KCNAB1: variants seen among roughly 807,000 people sequenced by gnomAD.
KCNAB1 encodes the protein potassium voltage-gated channel subfamily A regulatory beta subunit 1.
In KCNAB1, 35 loss-of-function variants were observed where a neutral mutation model predicts 64.6. That is an observed-to-expected ratio of 0.54 (90% CI 0.41 to 0.72). The LOEUF (loss-of-function observed/expected upper bound fraction) is 0.72, where lower values mean the gene tolerates loss of function less well. Ranked by LOEUF, KCNAB1 falls within the 30% of genes least tolerant of loss-of-function variation. The pLI, the probability that KCNAB1 is intolerant of heterozygous loss-of-function variation, is 0.00. For synonymous variants in KCNAB1, 177 were observed against 183.8 expected (o/e 0.96, Z 0.30); for missense variants, 401 against 512.9 (o/e 0.78, Z 2.11).
intron 1 of KCNAB1, among the ~76,000 whole-genome samples, chr3:156,209,486 C>A (rs1714883786): frequency 6.6e-6 from 1 of 152,146 alleles, no homozygotes; most frequent in Admixed American, 6.5e-5. Flanking sequence ...AAGCATAATG[C>A]TTTGAAGAAA....
At chr3:156,497,358 T>A (rs1236792413) in intron 8 of KCNAB1, among the ~76,000 whole-genome samples, 1 of 152,222 alleles carries the variant, frequency 6.6e-6, no homozygotes, top group Non-Finnish European at 1.5e-5. Flanking sequence ...TGTTATAGCA[T>A]GAAACTGGAT....
chr3:156,513,978 G>A (rs2679594), intron 8 of KCNAB1, among the ~76,000 whole-genome samples: 64,589 of 152,040 alleles, frequency 0.42, 14,286 homozygotes, highest in African/African-American at 0.54. Context: ...CTACAAAGTT[G>A]AAACAAATGC....
chr3:156,325,428 A>G (rs1186378742), intron 1 of KCNAB1, among the ~76,000 whole-genome samples: 1 of 152,164 alleles, frequency 6.6e-6, no homozygotes, highest in Admixed American at 6.6e-5. Context: ...TCCAAAGTAA[A>G]TGTGATTCGT....
intron 1 of KCNAB1, among the ~76,000 whole-genome samples, chr3:156,302,093 TTC>T (rs1310983102): frequency 2.0e-5 from 3 of 152,218 alleles, no homozygotes; most frequent in Non-Finnish European, 2.9e-5. Context: ...CTTTTTCGGC[TTC>T]TAGAGGTTAC....
intron 1 of KCNAB1, among the ~76,000 whole-genome samples, chr3:156,378,329 C>T (rs765219961): frequency 1.3e-5 from 2 of 152,066 alleles, no homozygotes; most frequent in African/African-American, 2.4e-5. Flanking sequence ...TTTGGTGGAG[C>T]TTCTCTGACC....
intron 8 of KCNAB1, among the ~76,000 whole-genome samples, chr3:156,493,107 TCCTTAGG>T (rs1715751275): frequency 6.6e-6 from 1 of 152,078 alleles, no homozygotes; most frequent in Non-Finnish European, 1.5e-5. Context: ...CTAGACACAG[TCCTTAGG>T]GTTTAGAAAC....
At chr3:156,181,383 TGA>T (rs1193690408) in intron 1 of KCNAB1, among the ~76,000 whole-genome samples, 3 of 152,216 alleles carry the variant, frequency 2.0e-5, no homozygotes, top group Non-Finnish European at 1.5e-5. Flanking sequence ...ATGGCATTTA[TGA>T]GAGTCCCGAG....
intron 1 of KCNAB1, among the ~76,000 whole-genome samples, chr3:156,144,340 A>G (rs1714914939): frequency 6.6e-6 from 1 of 152,196 alleles, no homozygotes; most frequent in Non-Finnish European, 1.5e-5. Context: ...CTGAAGGTCT[A>G]TTTCAGTGTA....
At chr3:156,350,633 A>T (rs1380899833) in intron 1 of KCNAB1, among the ~76,000 whole-genome samples, 1 of 152,138 alleles carries the variant, frequency 6.6e-6, no homozygotes, top group Non-Finnish European at 1.5e-5. Context: ...AGGTCAAGAG[A>T]GGAAAAATGG....
chr3:156,471,508 G>T (rs1221729565), intron 7 of KCNAB1, among the ~76,000 whole-genome samples: 1 of 152,194 alleles, frequency 6.6e-6, no homozygotes, highest in African/African-American at 2.4e-5. Context: ...TTCCACAGAC[G>T]CTGGGTTAGT....
intron 1 of KCNAB1, among the ~76,000 whole-genome samples, chr3:156,384,628 G>A (rs182733036): frequency 6.6e-6 from 1 of 152,312 alleles, no homozygotes; most frequent in Non-Finnish European, 1.5e-5. Context: ...CTAGAGGCAG[G>A]GATGGTTCAT....
rs973053726 is a variant in KCNAB1, at chr3:156,175,761, G to A, written c.275+54875G>A. On this transcript the variant is annotated intron_variant, in intron 1 of 13. Coordinates refer to ENST00000490337, the MANE Select transcript of KCNAB1 (RefSeq NM_172160.3). ...CCTCCTCTGTTTCTTGCCAGTAATCGTCATCTGAAGGGAGGGTGCTAGCCT... is the reference window on the plus strand; with the variant it reads ...CCTCCTCTGTTTCTTGCCAGTAATCATCATCTGAAGGGAGGGTGCTAGCCT... The A allele has an allele frequency of 2.1e-5, 12 of 564,556 alleles. 1 individual carries two copies. Among genetic ancestry groups the A allele is most frequent in the South Asian group, 1.9e-4 (12 of 61,664 alleles). 35.0% of individuals were successfully genotyped at this position (564,556 alleles called of 1,614,324 possible). A position where few individuals can be genotyped will look rare whatever the true frequency, so the allele number is the denominator to read the frequency against.
chr3:156,212,488 G>A (rs927339195), intron 1 of KCNAB1, among the ~76,000 whole-genome samples: 5 of 152,150 alleles, frequency 3.3e-5, no homozygotes, highest in African/African-American at 1.2e-4. Flanking sequence ...TTTAGAGATA[G>A]CTACAATGGA....
intron 1 of KCNAB1, among the ~76,000 whole-genome samples, chr3:156,390,729 C>T (rs999406350): frequency 4.6e-5 from 7 of 151,674 alleles, no homozygotes; most frequent in African/African-American, 1.5e-4. Flanking sequence ...ACTACAGGCG[C>T]CTGCTACCAT....
chr3:156,356,977 C>A (rs981389556), intron 1 of KCNAB1, among the ~76,000 whole-genome samples: 1 of 152,204 alleles, frequency 6.6e-6, no homozygotes, highest in Admixed American at 6.5e-5. Flanking sequence ...TCCCACTCAA[C>A]TGGCAGATGC....
chr3:156,317,009 G>A (rs1275001244), intron 1 of KCNAB1, among the ~76,000 whole-genome samples: 1 of 152,110 alleles, frequency 6.6e-6, no homozygotes, highest in Non-Finnish European at 1.5e-5. Flanking sequence ...ACTAGCACAG[G>A]GCCCAGAGCA....
At chr3:156,377,784 G>A (rs747590891) in intron 1 of KCNAB1, among the ~76,000 whole-genome samples, 4 of 151,982 alleles carry the variant, frequency 2.6e-5, no homozygotes, top group Non-Finnish European at 4.4e-5. Context: ...AGTTCATTAC[G>A]AAAAGAAAGG....
At chr3:156,119,160 G>A (rs1357380651), upstream of KCNAB1, among the ~76,000 whole-genome samples, 2 of 152,224 alleles carry the variant, frequency 1.3e-5, no homozygotes, top group Non-Finnish European at 2.9e-5. Flanking sequence ...TTAATTAACA[G>A]CCATAGGGAT....
rs146428854 is a variant in KCNAB1 at position 156,443,783 on chromosome 3, A to G, written c.320-9116A>G. Among the ~76,000 whole-genome samples the G allele has an allele frequency of 5.2e-3, 711 of 136,648 alleles. 7 individuals are homozygous for G. Among genetic ancestry groups the G allele is most frequent in the African/African-American group, 0.019 (666 of 34,422 alleles). 89.6% of individuals were successfully genotyped at this position (136,648 alleles called of 152,430 possible). Reference sequence around the variant, plus strand: ...ACACACACACACACACACACACACTATTCTTTACTTGTAAATGGAGATGCT... The same window carrying G: ...ACACACACACACACACACACACACTGTTCTTTACTTGTAAATGGAGATGCT... On this transcript the variant is annotated intron_variant, in intron 2 of 13. Coordinates refer to ENST00000490337, the MANE Select transcript of KCNAB1 (RefSeq NM_172160.3).
Sources: gnomAD v4.1 joint callset for allele counts (sites outside exome capture counted in the v4.1 genomes callset) on GRCh38, gnomAD v4.1.1 for gene constraint, MANE v1.5 for transcripts, NCBI Gene and HGNC (gene_info 2026-07-23, HGNC 2026-07-21) for gene names.